The following EXOC6B variants were observed in gnomAD, a reference collection of about 807,000 sequenced individuals.
EXOC6B encodes exocyst complex component 6B.
Under a neutral mutation model 113.5 loss-of-function variants are expected in EXOC6B, and 54 were observed. The observed-to-expected ratio is 0.48, with a 90% CI of 0.38 to 0.60. The LOEUF is 0.60. Ranked by LOEUF, EXOC6B falls within the 20% of genes least tolerant of loss-of-function variation. The probability of loss-of-function intolerance (pLI) is 0.00; values close to 1 mark genes in which losing one functional copy is unlikely to be tolerated. For missense variants in EXOC6B, 797 were observed against 977.5 expected (o/e 0.82, Z 2.46); for synonymous variants, 357 against 339.0 (o/e 1.05, Z -0.58).
chr2:72,186,733 G>A (rs2104245944), intron 20 of EXOC6B, among the ~76,000 whole-genome samples: 1 of 152,292 alleles, frequency 6.6e-6, no homozygotes, highest in South Asian at 2.1e-4. Context: ...TAATTTCTGT[G>A]ATGGAATTAA....
intron 20 of EXOC6B, among the ~76,000 whole-genome samples, chr2:72,310,809 C>A (rs900703664): frequency 4.0e-5 from 6 of 151,338 alleles, no homozygotes; most frequent in Non-Finnish European, 2.9e-5. Flanking sequence ...TTTATTAAGC[C>A]TCTACCATAT....
At chr2:72,552,637 A>C (rs1356925286) in intron 8 of EXOC6B, among the ~76,000 whole-genome samples, 1 of 152,106 alleles carries the variant, frequency 6.6e-6, no homozygotes, top group Non-Finnish European at 1.5e-5. Context: ...TAAAGCAACA[A>C]CAAAAAGGAG....
rs569788806 is a variant in EXOC6B, at chr2:72,509,000, C to G, written c.1167+4132G>C. On this transcript the variant is annotated intron_variant, in intron 11 of 21. Coordinates refer to ENST00000272427, the MANE Select transcript of EXOC6B (RefSeq NM_015189.3). ...CAGACTGTTGTTTCTGCCCCCAAAA[C>G]TCACCTATTAATGCCCTGTCTCCCA... is the stretch of plus-strand genomic sequence containing the variant. 3.9e-5 allele frequency among the ~76,000 whole-genome samples: 6 copies of G among 151,938 alleles called. No homozygotes were observed. In the South Asian group the frequency reaches 1.3e-3, roughly 32 times the overall value.
intron 20 of EXOC6B, among the ~76,000 whole-genome samples, chr2:72,259,836 A>G (rs1347606235): frequency 1.3e-5 from 2 of 152,078 alleles, no homozygotes; most frequent in Non-Finnish European, 2.9e-5. Flanking sequence ...AGATAGCTTG[A>G]ACCCAAGAGT....
intron 5 of EXOC6B, among the ~76,000 whole-genome samples, chr2:72,724,457 C>A (rs1680188030): frequency 6.6e-6 from 1 of 152,026 alleles, no homozygotes; most frequent in South Asian, 2.1e-4. Context: ...AATCAACTCA[C>A]CATTCGCTAA....
At chr2:72,746,461 T>C (rs1681703729) in intron 1 of EXOC6B, among the ~76,000 whole-genome samples, 2 of 152,056 alleles carry the variant, frequency 1.3e-5, no homozygotes, top group Admixed American at 1.3e-4. Flanking sequence ...CGTATAACTA[T>C]CTGGTGCATA....
At chr2:72,605,273 G>C (rs1228535958) in intron 6 of EXOC6B, among the ~76,000 whole-genome samples, 1 of 145,660 alleles carries the variant, frequency 6.9e-6, no homozygotes, top group African/African-American at 2.6e-5. Context: ...GACAGAGCAA[G>C]ACTCTGTCTC....
At chr2:72,530,221 T>C (rs1701932309) in intron 8 of EXOC6B, among the ~76,000 whole-genome samples, 1 of 152,208 alleles carries the variant, frequency 6.6e-6, no homozygotes, top group Admixed American at 6.5e-5. Context: ...TCAGCTTACA[T>C]TATTCGTTTA....
chr2:72,470,247 C>T (rs1001209033), intron 17 of EXOC6B, among the ~76,000 whole-genome samples: 10 of 151,916 alleles, frequency 6.6e-5, no homozygotes, highest in Non-Finnish European at 1.2e-4. Context: ...TGTCCTCTTC[C>T]GTTTCTTTCA....
At chr2:72,680,865 T>C (rs1676652890) in intron 6 of EXOC6B, among the ~76,000 whole-genome samples, 1 of 152,148 alleles carries the variant, frequency 6.6e-6, no homozygotes, top group South Asian at 2.1e-4. Context: ...AAGTCAATTC[T>C]AGGGGAAAAA....
At chr2:72,817,045 C>CA (rs565190629) in intron 1 of EXOC6B, among the ~76,000 whole-genome samples, 2 of 152,118 alleles carry the variant, frequency 1.3e-5, no homozygotes, top group African/African-American at 4.8e-5. Context: ...TATCAAACCA[C>CA]AAAAAAATTT....
At chr2:72,276,027 T>C (rs1684790892) in intron 20 of EXOC6B, among the ~76,000 whole-genome samples, 1 of 150,636 alleles carries the variant, frequency 6.6e-6, no homozygotes, top group Admixed American at 6.6e-5. Flanking sequence ...AAGTAGGGAG[T>C]GGGGGATGGA....
intron 8 of EXOC6B, among the ~76,000 whole-genome samples, chr2:72,546,320 G>C (rs966617419): frequency 6.6e-6 from 1 of 152,088 alleles, no homozygotes; most frequent in Non-Finnish European, 1.5e-5. Context: ...GTGGTGGCAC[G>C]TGCCTGTAAT....
chr2:72,251,930 A>G (rs1313816262), intron 20 of EXOC6B, among the ~76,000 whole-genome samples: 1 of 152,096 alleles, frequency 6.6e-6, no homozygotes, highest in Non-Finnish European at 1.5e-5. Context: ...TTGCAACTGA[A>G]CCCATATTTC....
chr2:72,351,576 T>A (rs1333416451), intron 19 of EXOC6B, among the ~76,000 whole-genome samples: 1 of 152,214 alleles, frequency 6.6e-6, no homozygotes, highest in Admixed American at 6.5e-5. Context: ...CTTAGGACAT[T>A]TGCATATAAC....
At chr2:72,480,552 T>C (rs1263755422) in intron 17 of EXOC6B, 64 bp downstream of exon 17, 27 of 1,379,788 alleles carry the variant, frequency 2.0e-5, no homozygotes, top group Non-Finnish European at 9.6e-7. Context: ...AAGGCCATGT[T>C]AGGTAGAACG....
At chr2:72,575,097 T>C (rs1446326819) in intron 7 of EXOC6B, among the ~76,000 whole-genome samples, 1 of 152,166 alleles carries the variant, frequency 6.6e-6, no homozygotes, top group African/African-American at 2.4e-5. Context: ...AATAATCTAT[T>C]TGTTCACTCT....
chr2:72,545,623 A>G (rs1702855097), intron 8 of EXOC6B, among the ~76,000 whole-genome samples: 1 of 152,178 alleles, frequency 6.6e-6, no homozygotes, highest in South Asian at 2.1e-4. Context: ...CATATTTACC[A>G]CATCATTTAT....
chr2:72,539,969 C>A (rs1702508370), intron 8 of EXOC6B, among the ~76,000 whole-genome samples: 1 of 127,880 alleles, frequency 7.8e-6, no homozygotes, highest in African/African-American at 3.0e-5. Context: ...CACAACAGTC[C>A]CCAGAGTGTG....
Sources: gnomAD v4.1 joint callset for allele counts (sites outside exome capture counted in the v4.1 genomes callset) on GRCh38, gnomAD v4.1.1 for gene constraint, MANE v1.5 for transcripts, NCBI Gene and HGNC (gene_info 2026-07-23, HGNC 2026-07-21) for gene names.